Variants in CASK observed in about 807,000 individuals in gnomAD.
CASK encodes the protein peripheral plasma membrane protein CASK.
CASK carries 4 observed loss-of-function variants against 82.9 expected under a neutral mutation model. The ratio of observed to expected loss-of-function variants is 0.05; its 90% CI spans 0.02 to 0.11. CASK has a LOEUF of 0.11. CASK is among the 10% of genes least tolerant of loss of function. The pLI, the probability that CASK is intolerant of heterozygous loss-of-function variation, is 1.00. For missense variants in CASK, 358 were observed against 720.9 expected (o/e 0.50, Z 5.76); for synonymous variants, 259 against 253.5 (o/e 1.02, Z -0.20).
rs2065706312 is a variant in CASK at position 41,589,222 on chromosome X, C to T, written c.1233+293G>A. On this transcript the variant is annotated intron_variant, in intron 13 of 26. Coordinates refer to ENST00000378163, the MANE Select transcript of CASK (RefSeq NM_001367721.1). ...ATTTTTATAGCATGTCTATTTCCAC[C>T]AAGTGTTGTAAAATAACTTGCTTTT... is the stretch of plus-strand genomic sequence containing the variant. 2.7e-5 allele frequency among the ~76,000 whole-genome samples: 3 copies of T among 111,765 alleles called. No homozygotes were observed. In the South Asian group the frequency reaches 1.1e-3, roughly 41 times the overall value.
At chrX:41,921,599 A>T (rs1211121544) in intron 1 of CASK, among the ~76,000 whole-genome samples, 2 of 111,275 alleles carry the variant, frequency 1.8e-5, no homozygotes, top group Non-Finnish European at 3.8e-5. Context: ...CTTTCCTTTT[A>T]AGTCTGGCTG....
chrX:41,733,918 A>G (rs979442460), intron 5 of CASK, among the ~76,000 whole-genome samples: 1 of 111,669 alleles, frequency 9.0e-6, no homozygotes, highest in Non-Finnish European at 1.9e-5. Context: ...TAAGAAATCC[A>G]CAATGTCATG....
At chrX:41,807,262 TAG>T (rs1325403495) in intron 2 of CASK, among the ~76,000 whole-genome samples, 7 of 110,934 alleles carry the variant, frequency 6.3e-5, no homozygotes, top group African/African-American at 2.3e-4. Flanking sequence ...CACTTTAATG[TAG>T]AGTTACAATA....
intron 8 of CASK, among the ~76,000 whole-genome samples, chrX:41,654,918 T>C (rs1331603796): frequency 1.8e-5 from 2 of 109,711 alleles, no homozygotes; most frequent in Non-Finnish European, 3.8e-5. Context: ...TGAGGCAGGT[T>C]AATCAATACA....
chrX:41,561,780 G>A (rs1393727582), intron 16 of CASK, 136 bp from the exon 17 acceptor site: 3 of 511,624 alleles, frequency 5.9e-6, no homozygotes, highest in Non-Finnish European at 1.0e-5. Flanking sequence ...TACAAGTTTG[G>A]TTGCAGCAGA....
At chrX:41,523,471 G>T (rs2064666853) in intron 26 of CASK, among the ~76,000 whole-genome samples, 1 of 112,672 alleles carries the variant, frequency 8.9e-6, no homozygotes, top group South Asian at 3.6e-4. Context: ...CAGAAGATAG[G>T]CACTGCTACA....
At chrX:41,641,175 G>A (rs1207385463) in intron 8 of CASK, among the ~76,000 whole-genome samples, 1 of 109,564 alleles carries the variant, frequency 9.1e-6, no homozygotes, top group Non-Finnish European at 1.9e-5. Flanking sequence ...TAGTAGAGAC[G>A]GAGTTTCACC....
intron 14 of CASK, among the ~76,000 whole-genome samples, chrX:41,578,784 G>T (rs2065521376): frequency 9.0e-6 from 1 of 110,959 alleles, no homozygotes; most frequent in Non-Finnish European, 1.9e-5. Context: ...GTAGACATGG[G>T]GCTGACAAAT....
chrX:41,614,827 T>A (rs1042300672), intron 11 of CASK, among the ~76,000 whole-genome samples: 1 of 110,228 alleles, frequency 9.1e-6, no homozygotes, highest in Non-Finnish European at 1.9e-5. Context: ...CCTGGATAAT[T>A]TTTTTTTCTG....
At chrX:41,857,608 A>G (rs1479213094) in intron 1 of CASK, among the ~76,000 whole-genome samples, 2 of 112,334 alleles carry the variant, frequency 1.8e-5, no homozygotes, top group Non-Finnish European at 3.8e-5. Context: ...CACACAGAGA[A>G]ATTTATCAAT....
intron 5 of CASK, chrX:41,730,068 C>T (rs1047053291): frequency 2.5e-5 from 3 of 120,312 alleles, no homozygotes; most frequent in African/African-American, 1.0e-4. Flanking sequence ...TTCCATGGTA[C>T]TGATATTCTC....
chrX:41,606,045 A>G (rs1484561781), intron 12 of CASK, among the ~76,000 whole-genome samples: 1 of 111,992 alleles, frequency 8.9e-6, no homozygotes, highest in Non-Finnish European at 1.9e-5. Context: ...TCCTTAATGT[A>G]TACCACAAAC....
At chrX:41,591,030 T>C (rs2065737193) in intron 12 of CASK, among the ~76,000 whole-genome samples, 1 of 112,169 alleles carries the variant, frequency 8.9e-6, no homozygotes, top group Non-Finnish European at 1.9e-5. Flanking sequence ...ATTAAATAAA[T>C]AGTATAAGTA....
intron 8 of CASK, among the ~76,000 whole-genome samples, chrX:41,653,626 T>C (rs1270734737): frequency 8.9e-6 from 1 of 111,966 alleles, no homozygotes; most frequent in African/African-American, 3.3e-5. Flanking sequence ...CTCTACGACC[T>C]GTGGTTACCA....
At chrX:41,612,715 T>A (rs1227823007) in intron 11 of CASK, among the ~76,000 whole-genome samples, 2 of 34,176 alleles carry the variant, frequency 5.9e-5, no homozygotes, top group African/African-American at 1.2e-4. Context: ...GGGGGTCAGC[T>A]CCCCGCCCGG....
intron 24 of CASK, among the ~76,000 whole-genome samples, chrX:41,533,472 C>T (rs2064833379): frequency 8.9e-6 from 1 of 112,006 alleles, no homozygotes; most frequent in African/African-American, 3.2e-5. Context: ...TGAAGGTTTT[C>T]TCATGAAGCC....
intron 14 of CASK, chrX:41,585,724 C>T (rs62587017): frequency 0.13 from 11,356 of 89,802 alleles, 686 homozygotes; most frequent in Middle Eastern, 0.23. Flanking sequence ...CCAGCCTGGG[C>T]GACAGTGCGA....
chrX:41,528,040 T>G (rs957773914), intron 25 of CASK, among the ~76,000 whole-genome samples: 1 of 112,395 alleles, frequency 8.9e-6, no homozygotes, highest in Non-Finnish European at 1.9e-5. Context: ...TCTTCTAGGG[T>G]GGTACAGTGA....
At chrX:41,838,562 C>G (rs921046820) in intron 2 of CASK, among the ~76,000 whole-genome samples, 17 of 111,067 alleles carry the variant, frequency 1.5e-4, no homozygotes, top group Middle Eastern at 4.2e-3. Flanking sequence ...TTGAGACCAG[C>G]CTGGCCAACA....
Sources: gnomAD v4.1 joint callset for allele counts (sites outside exome capture counted in the v4.1 genomes callset) on GRCh38, gnomAD v4.1.1 for gene constraint, MANE v1.5 for transcripts, NCBI Gene and HGNC (gene_info 2026-07-23, HGNC 2026-07-21) for gene names.